The following NSD1 variants were observed in gnomAD, a reference collection of about 807,000 sequenced individuals.
NSD1 encodes nuclear receptor binding SET domain protein 1.
NSD1 carries 26 observed loss-of-function variants against 242.7 expected under a neutral mutation model. That is an observed-to-expected ratio of 0.11 (90% confidence interval 0.08 to 0.15). The LOEUF (loss-of-function observed/expected upper bound fraction) is 0.15. Among genes scored for constraint, NSD1 ranks in the 10% least tolerant of loss-of-function variants. NSD1 has a pLI of 1.00. For synonymous variants in NSD1, 1,106 were observed against 1,178.1 expected, an observed-to-expected ratio of 0.94 and a Z score of 1.25; for missense variants, 2,495 against 3,272.8, an observed-to-expected ratio of 0.76 and a Z score of 5.80.
chr5:177,261,635 T>A lies in NSD1; in HGVS notation c.5146+1467T>A, dbSNP rs533117892. 5.3e-5 allele frequency among the ~76,000 whole-genome samples: 8 copies of A among 152,292 alleles called. No individual in the cohort carries two copies. In the South Asian group the frequency reaches 1.7e-3, roughly 32 times the overall value. ...TCTGCTTTGAGGCATCATTTGCCTT[T>A]GTACTAGAAGGATATCTAGTACAAA... On this transcript the variant is annotated intron_variant, in intron 14 of 22. Coordinates refer to ENST00000439151, the MANE Select transcript of NSD1 (RefSeq NM_022455.5).
At chr5:177,289,236 C>T (rs1759581264) in intron 21 of NSD1, among the ~76,000 whole-genome samples, 1 of 151,768 alleles carries the variant, frequency 6.6e-6, no homozygotes, top group Non-Finnish European at 1.5e-5. Flanking sequence ...CAGGAGAATC[C>T]CTTGAACCCA....
At chr5:177,159,273 G>A (rs548235805) in intron 2 of NSD1, among the ~76,000 whole-genome samples, 1 of 143,782 alleles carries the variant, frequency 7.0e-6, no homozygotes, top group South Asian at 2.2e-4. Context: ...TTTCTTTCCA[G>A]TTTTTTTTTT....
At chr5:177,180,507 C>T (rs912424236) in intron 2 of NSD1, among the ~76,000 whole-genome samples, 6 of 151,836 alleles carry the variant, frequency 4.0e-5, no homozygotes, top group South Asian at 2.1e-4. Flanking sequence ...CCACCTGCCT[C>T]GGCCTCCCAG....
At position 177,299,407 on chromosome 5, in the gene NSD1, G is replaced by C. The variant is rs1202114727; in HGVS notation, c.*3948G>C. 1 of 233,162 alleles carries C rather than the reference G, an allele frequency of 4.3e-6. No homozygotes were observed. Among genetic ancestry groups the C allele is most frequent in the East Asian group, 6.0e-5 (1 of 16,596 alleles). 14.4% of individuals were successfully genotyped at this position (233,162 alleles called of 1,614,324 possible). On this transcript the variant is annotated 3_prime_UTR_variant, in exon 23 of 23. Transcript: ENST00000439151. ...GAGGTGGAAGAGATCCTATATCCAGGTGAAGGTGGCCATTGAGTTTCTCAG... is the reference window on the plus strand; with the variant it reads ...GAGGTGGAAGAGATCCTATATCCAGCTGAAGGTGGCCATTGAGTTTCTCAG...
intron 4 of NSD1, 106 bp from the exon 5 acceptor site, chr5:177,209,528 CAA>C (rs560987364): frequency 0.024 from 12,704 of 539,840 alleles, no homozygotes; most frequent in Middle Eastern, 0.031. Context: ...GACTCTGTCT[CAA>C]AAAAAAAAAA....
chr5:177,186,771 T>C (rs1761268599), intron 2 of NSD1, among the ~76,000 whole-genome samples: 2 of 152,128 alleles, frequency 1.3e-5, no homozygotes, highest in South Asian at 4.1e-4. Context: ...GGAGGATTGC[T>C]TGAGACCAAG....
At chr5:177,154,789 G>T (rs1757988298) in intron 2 of NSD1, among the ~76,000 whole-genome samples, 1 of 152,056 alleles carries the variant, frequency 6.6e-6, no homozygotes, top group Non-Finnish European at 1.5e-5. Flanking sequence ...TCCAGCTCCT[G>T]GGTTCAAGTG....
intron 2 of NSD1, among the ~76,000 whole-genome samples, chr5:177,173,325 T>A (rs1190191523): frequency 2.0e-5 from 3 of 150,620 alleles, no homozygotes; most frequent in African/African-American, 7.3e-5. Flanking sequence ...TTATATGAAA[T>A]TAAAACTTCA....
chr5:177,151,860 A>AT (rs1253907484), intron 2 of NSD1, among the ~76,000 whole-genome samples: 3 of 150,128 alleles, frequency 2.0e-5, no homozygotes, highest in East Asian at 4.0e-4. Flanking sequence ...TACCTAGCTA[A>AT]TTTTTTTTGT....
chr5:177,217,201 T>G (rs1204729286), intron 5 of NSD1, among the ~76,000 whole-genome samples: 1 of 152,146 alleles, frequency 6.6e-6, no homozygotes, highest in Non-Finnish European at 1.5e-5. Context: ...TGTTTTGGAG[T>G]GTACAACCAT....
In NSD1 at chr5:177,289,879, G is replaced by A. The variant is rs558648893; in HGVS notation, c.6258+954G>A. On this transcript the variant is annotated intron_variant, in intron 21 of 22. Coordinates refer to ENST00000439151, the MANE Select transcript of NSD1 (RefSeq NM_022455.5). ...GTCTCGCTCTGTTGCCCAGGCTGGAGTGCAGTGGCGCAATCTCGGCTCACT... is the reference window on the plus strand; with the variant it reads ...GTCTCGCTCTGTTGCCCAGGCTGGAATGCAGTGGCGCAATCTCGGCTCACT... 2.7e-5 allele frequency among the ~76,000 whole-genome samples: 4 copies of A among 150,758 alleles called. No individual in the cohort carries two copies. In the East Asian group the frequency reaches 7.8e-4, roughly 30 times the overall value.
chr5:177,203,889 G>A (rs1393998056), intron 3 of NSD1, among the ~76,000 whole-genome samples: 2 of 152,036 alleles, frequency 1.3e-5, no homozygotes, highest in Non-Finnish European at 2.9e-5. Flanking sequence ...GCTATACCAC[G>A]TCATCAGACT....
At chr5:177,243,647 A>G (rs1284694534) in intron 8 of NSD1, among the ~76,000 whole-genome samples, 2 of 151,990 alleles carry the variant, frequency 1.3e-5, no homozygotes, top group African/African-American at 4.8e-5. Context: ...GCAAGTCTTT[A>G]TTTTTTCTTA....
rs756494898 is a variant in NSD1 at position 177,280,557 on chromosome 5, T to C, written c.5623-8T>C. 18 of 1,614,236 alleles carry C rather than the reference T, an allele frequency of 1.1e-5. No homozygotes were observed. The highest frequency in any genetic ancestry group is 1.5e-5 in the Non-Finnish European group (18 of 1,180,020). ...TTTTATGCGGTGTACTTTGTGTTAC[T>C]TTTCCAGGTAAACCGTCCTATTGGC... On this transcript the variant is annotated splice_polypyrimidine_tract_variant and splice_region_variant and intron_variant, in intron 17 of 22. Transcript: ENST00000439151.
At chr5:177,181,576 C>T (rs533471428) in intron 2 of NSD1, among the ~76,000 whole-genome samples, 2 of 151,776 alleles carry the variant, frequency 1.3e-5, no homozygotes, top group African/African-American at 2.4e-5. Context: ...CAGGTGCCTG[C>T]CAGTATGCCT....
At chr5:177,248,072 G>A in intron 10 of NSD1, 109 bp from the exon 11 acceptor site, 1 of 1,554,566 alleles carries the variant, frequency 6.4e-7, no homozygotes, top group Non-Finnish European at 8.7e-7. Flanking sequence ...GTGATTGGCT[G>A]AACATCTGTA....
At chr5:177,189,158 C>T (rs1196968498) in intron 2 of NSD1, among the ~76,000 whole-genome samples, 1 of 152,120 alleles carries the variant, frequency 6.6e-6, no homozygotes, top group Non-Finnish European at 1.5e-5. Flanking sequence ...ATACTGGGAG[C>T]TGAATTACTA....
At chr5:177,232,352 T>G (rs776142795) in intron 5 of NSD1, among the ~76,000 whole-genome samples, 1 of 152,188 alleles carries the variant, frequency 6.6e-6, no homozygotes, top group Non-Finnish European at 1.5e-5. Flanking sequence ...TCCATAGAGA[T>G]GTTGTTTAAA....
intron 2 of NSD1, among the ~76,000 whole-genome samples, chr5:177,163,605 C>T (rs149895192): frequency 3.9e-4 from 60 of 152,238 alleles, no homozygotes; most frequent in African/African-American, 1.4e-3. Context: ...AAAATTAATT[C>T]CTAGTTCAGT....
Sources: allele counts gnomAD v4.1 joint callset (sites outside exome capture counted in the v4.1 genomes callset), GRCh38; gene constraint gnomAD v4.1.1; transcripts MANE v1.5; gene names NCBI Gene and HGNC (gene_info 2026-07-23, HGNC 2026-07-21).